The following UBE2B variants were observed in gnomAD, a reference collection of about 807,000 sequenced individuals.
The protein encoded by UBE2B is ubiquitin-conjugating enzyme E2 B.
A neutral mutation model predicts 24.6 loss-of-function variants in UBE2B; 11 were observed. The observed-to-expected ratio is 0.45, with a 90% confidence interval of 0.28 to 0.74. The LOEUF (loss-of-function observed/expected upper bound fraction) is 0.74, where lower values mean the gene tolerates loss of function less well. UBE2B is among the 30% of genes least tolerant of loss of function. The pLI is 0.13. For synonymous variants in UBE2B, 68 were observed against 62.4 expected (o/e 1.09, Z -0.42); for missense variants, 78 against 185.6 (o/e 0.42, Z 3.37).
At chr5:134,383,898 T>C (rs1254614331) in intron 4 of UBE2B, among the ~76,000 whole-genome samples, 2 of 152,174 alleles carry the variant, frequency 1.3e-5, no homozygotes. Flanking sequence ...TTTTAAAGCT[T>C]TTAATGTCAT....
At position 134,384,819 on chromosome 5, in the gene UBE2B, C is replaced by A. The variant is rs35428156; in HGVS notation, c.242-3506C>A. 3.9e-5 allele frequency among the ~76,000 whole-genome samples: 6 copies of A among 152,272 alleles called. No homozygotes were observed. In the East Asian group the frequency reaches 9.6e-4, roughly 24 times the overall value. ...TTAAAAACAACAAAAAGCCCCATAA[C>A]TATTATCTTAGCAGTCAACTCTGTT... is the stretch of plus-strand genomic sequence containing the variant. On this transcript the variant is annotated intron_variant, in intron 4 of 5. Transcript: ENST00000265339.
At chr5:134,386,396 G>A (rs541037786) in intron 4 of UBE2B, among the ~76,000 whole-genome samples, 5 of 151,712 alleles carry the variant, frequency 3.3e-5, no homozygotes, top group East Asian at 1.9e-4. Flanking sequence ...TTGGGAGGCC[G>A]AGGCAGGTGG....
At chr5:134,375,818 A>AAC (rs1561679299) in intron 2 of UBE2B, among the ~76,000 whole-genome samples, 1 of 147,688 alleles carries the variant, frequency 6.8e-6, no homozygotes, top group Non-Finnish European at 1.5e-5. Flanking sequence ...AAAAAAAAAA[A>AAC]AAAAAAAACT....
intron 4 of UBE2B, chr5:134,388,018 G>T (rs1031471819): frequency 2.8e-6 from 1 of 356,958 alleles, no homozygotes; most frequent in Non-Finnish European, 5.3e-6. Context: ...GGCCCGACTG[G>T]TCTCAGACTC....
rs946916385 is a variant in UBE2B at position 134,389,051 on chromosome 5, A to T, written c.330+638A>T. 110 of 303,076 alleles carry T rather than the reference A, an allele frequency of 3.6e-4. 2 individuals are homozygous for T. In the Admixed American group the frequency reaches 5.3e-3, roughly 15 times the overall value. The allele number at this position is 303,076 out of a possible 1,614,324, so 18.8% of individuals were successfully genotyped here. A position where few individuals can be genotyped will look rare whatever the true frequency, so the allele number is the denominator to read the frequency against. The stretch of plus-strand genomic sequence containing the variant: ...ACCGCAACCTCTGCCTCCCGGGTTC[A>T]AGTGATTATCCTGCCTCAGCCTCCT... On this transcript the variant is annotated intron_variant, in intron 5 of 5. Transcript: ENST00000265339.
At chr5:134,378,120 T>C (rs2149691144) in intron 3 of UBE2B, among the ~76,000 whole-genome samples, 1 of 152,272 alleles carries the variant, frequency 6.6e-6, no homozygotes, top group Non-Finnish European at 1.5e-5. Context: ...CAGTGAGCCC[T>C]GGTGGAGCCA....
At chr5:134,379,104 G>A (rs1303636549) in intron 3 of UBE2B, among the ~76,000 whole-genome samples, 2 of 152,162 alleles carry the variant, frequency 1.3e-5, no homozygotes, top group East Asian at 3.9e-4. Context: ...ATGGAATATG[G>A]CAACATTTGG....
intron 4 of UBE2B, among the ~76,000 whole-genome samples, chr5:134,386,520 T>C (rs1758804987): frequency 6.6e-6 from 1 of 151,638 alleles, no homozygotes; most frequent in African/African-American, 2.4e-5. Flanking sequence ...TAATCCCAAC[T>C]ACGTGGGAGG....
rs1469675750 is a variant in UBE2B at position 134,391,306 on chromosome 5, A to G, written c.*953A>G. ...ATATTTGAAAATTACCTTTAATGCAATGCATATCTGTTTATTCTGGGAAAT... is the reference window on the plus strand; with the variant it reads ...ATATTTGAAAATTACCTTTAATGCAGTGCATATCTGTTTATTCTGGGAAAT... On this transcript the variant is annotated 3_prime_UTR_variant, in exon 6 of 6. Coordinates refer to ENST00000265339, the MANE Select transcript of UBE2B (RefSeq NM_003337.4). 1 of 152,440 alleles carries G rather than the reference A, an allele frequency of 6.6e-6. No homozygotes were observed. Among genetic ancestry groups the G allele is most frequent in the Non-Finnish European group, 1.5e-5 (1 of 68,018 alleles). The allele number at this position is 152,440 out of a possible 1,614,324, so 9.4% of individuals were successfully genotyped here.
At chr5:134,380,694 T>C in intron 3 of UBE2B, 25 bp from the exon 4 acceptor site, 1 of 1,343,610 alleles carries the variant, frequency 7.4e-7, no homozygotes, top group Non-Finnish European at 1.1e-6. Flanking sequence ...TTGTCTTTAC[T>C]ATAATTATTT....
At chr5:134,375,980 C>G (rs931464721) in intron 2 of UBE2B, among the ~76,000 whole-genome samples, 14 of 151,696 alleles carry the variant, frequency 9.2e-5, no homozygotes, top group Non-Finnish European at 1.6e-4. Flanking sequence ...AGCATCATAA[C>G]TAGAGTATTG....
intron 3 of UBE2B, among the ~76,000 whole-genome samples, chr5:134,379,195 G>A (rs558388347): frequency 3.3e-5 from 5 of 152,246 alleles, no homozygotes; most frequent in African/African-American, 7.2e-5. Flanking sequence ...GGTAAAACAC[G>A]TATGTGAAGT....
At chr5:134,373,767 G>T (rs1217157115) in intron 1 of UBE2B, among the ~76,000 whole-genome samples, 1 of 152,162 alleles carries the variant, frequency 6.6e-6, no homozygotes, top group Non-Finnish European at 1.5e-5. Context: ...AGTTTGCTGA[G>T]AATGATGGTT....
chr5:134,385,173 T>C (rs35069214), intron 4 of UBE2B, among the ~76,000 whole-genome samples: 9 of 152,380 alleles, frequency 5.9e-5, no homozygotes, highest in African/African-American at 1.7e-4. Context: ...TTTACACTTT[T>C]ATGGGTTTTA....
At chr5:134,378,940 A>C (rs976101118) in intron 3 of UBE2B, among the ~76,000 whole-genome samples, 30 of 152,068 alleles carry the variant, frequency 2.0e-4, no homozygotes, top group Non-Finnish European at 3.5e-4. Context: ...AAAAAAAAAA[A>C]AAAAAACAGT....
chr5:134,377,613 T>G (rs535375423), intron 3 of UBE2B, among the ~76,000 whole-genome samples: 3 of 151,780 alleles, frequency 2.0e-5, no homozygotes, highest in South Asian at 2.1e-4. Flanking sequence ...TGATTATCTG[T>G]GGGGGGGGTA....
chr5:134,378,083 T>G (rs1758639015), intron 3 of UBE2B, among the ~76,000 whole-genome samples: 1 of 152,074 alleles, frequency 6.6e-6, no homozygotes, highest in Admixed American at 6.5e-5. Flanking sequence ...CTTGGGAGGA[T>G]TACCTGAGCC....
intron 4 of UBE2B, among the ~76,000 whole-genome samples, chr5:134,385,199 TTGCTTTGGGCA>T (rs1372029258): frequency 6.6e-6 from 1 of 152,238 alleles, no homozygotes; most frequent in African/African-American, 2.4e-5. Flanking sequence ...TTACTAATTT[TTGCTTTGGGCA>T]GCTAAGTTTG....
intron 4 of UBE2B, among the ~76,000 whole-genome samples, chr5:134,386,498 G>C (rs1275665003): frequency 6.6e-6 from 1 of 151,796 alleles, no homozygotes; most frequent in Non-Finnish European, 1.5e-5. Context: ...TGGGCGTGGT[G>C]GTGGGCACCT....
Sources: allele counts gnomAD v4.1 joint callset (sites outside exome capture counted in the v4.1 genomes callset), GRCh38; gene constraint gnomAD v4.1.1; transcripts MANE v1.5; gene names NCBI Gene and HGNC (gene_info 2026-07-23, HGNC 2026-07-21).